Variants in TRRAP observed in about 807,000 individuals in gnomAD.
TRRAP encodes the protein transformation/transcription domain-associated protein.
Under a neutral mutation model 438.8 loss-of-function variants are expected in TRRAP, and 41 were observed. The observed-to-expected ratio is 0.09, with a 90% confidence interval of 0.07 to 0.12. TRRAP has a LOEUF of 0.12. TRRAP is among the 10% of genes least tolerant of loss of function. The probability of loss-of-function intolerance (pLI) is 1.00; values close to 1 mark genes in which losing one functional copy is unlikely to be tolerated. For missense variants in TRRAP, 3,122 were observed against 5,055.1 expected, an observed-to-expected ratio of 0.62 and a Z score of 11.60; for synonymous variants, 1,994 against 1,962.9, an observed-to-expected ratio of 1.02 and a Z score of -0.42.
chr7:98,906,541 C>G (rs1249638724), intron 13 of TRRAP, among the ~76,000 whole-genome samples: 1 of 151,938 alleles, frequency 6.6e-6, no homozygotes, highest in Admixed American at 6.6e-5. Context: ...AAGCAATTCT[C>G]CCTGCCTCAG....
At chr7:99,002,834 T>C (rs1793994498) in intron 67 of TRRAP, among the ~76,000 whole-genome samples, 1 of 152,210 alleles carries the variant, frequency 6.6e-6, no homozygotes, top group African/African-American at 2.4e-5. Flanking sequence ...AGCTGGGTGT[T>C]ATCACGCGTG....
chr7:98,902,605 T>G (rs571187273), intron 11 of TRRAP, among the ~76,000 whole-genome samples: 2 of 141,274 alleles, frequency 1.4e-5, no homozygotes, highest in East Asian at 4.2e-4. Flanking sequence ...GAACATTTGG[T>G]GTAAAAAGTC....
Position 99,012,221 on chromosome 7 carries a change from A to G in TRRAP, c.11488A>G (p.Thr3830Ala), listed in dbSNP as rs1399314646. The G allele has an allele frequency of 1.9e-6, 3 of 1,613,844 alleles. No homozygotes were observed. Among genetic ancestry groups the G allele is most frequent in the Admixed American group, 3.3e-5 (2 of 60,004 alleles). Reference sequence around the variant, plus strand: ...GGTGTCCCTGGTTCAGAAAGCCGTCACCGCCATCATGACCCGCCTGCACAA... The same window carrying G: ...GGTGTCCCTGGTTCAGAAAGCCGTCGCCGCCATCATGACCCGCCTGCACAA... ...QLVSLVQKAV[T>A]AIMTRLHNLA... is the part of the protein sequence containing the mutation. The change falls in exon 73 of 73, where the codon ACC becomes GCC. Residue 3830 changes from threonine to alanine, a missense_variant. Transcript: ENST00000456197. The surrounding 1 kb of genome is among the most constrained non-coding windows in gnomAD (Gnocchi z 5.9).
chr7:98,980,902 A>G (rs546504930), intron 58 of TRRAP, among the ~76,000 whole-genome samples: 1 of 152,178 alleles, frequency 6.6e-6, no homozygotes, highest in Admixed American at 6.5e-5. Context: ...AAAATAAACA[A>G]AAATTAGCCT....
At position 99,012,032 on chromosome 7, in the gene TRRAP, T is replaced by A. The variant is rs373405061; in HGVS notation, c.11338-39T>A. 22 of 1,599,496 alleles carry A rather than the reference T, an allele frequency of 1.4e-5. No homozygotes were observed. In the African/African-American group the frequency reaches 2.3e-4, roughly 17 times the overall value. On this transcript the variant is annotated intron_variant, in intron 72 of 72. Transcript: ENST00000456197. The surrounding 1 kb of genome is among the most constrained non-coding windows in gnomAD (Gnocchi z 5.9). Reference sequence around the variant, plus strand: ...GGAAGCTGCCCCTGTGGGCTGTTCTTGGTTAAACACAAGTCGTCTCGTTCT... The same window carrying A: ...GGAAGCTGCCCCTGTGGGCTGTTCTAGGTTAAACACAAGTCGTCTCGTTCT...
intron 27 of TRRAP, among the ~76,000 whole-genome samples, chr7:98,934,458 A>G (rs1467747080): frequency 6.6e-6 from 1 of 152,174 alleles, no homozygotes; most frequent in African/African-American, 2.4e-5. Context: ...GAAATGCATA[A>G]CTTCCCTTGG....
chr7:98,940,083 C>T (rs1554415234), intron 30 of TRRAP, among the ~76,000 whole-genome samples: 2 of 151,718 alleles, frequency 1.3e-5, no homozygotes, highest in African/African-American at 4.8e-5. Flanking sequence ...GGGTTTTCAC[C>T]GTGTTGGCCA....
In TRRAP at chr7:99,012,165, G is replaced by A. The variant is rs754860528; in HGVS notation, c.11432G>A (p.Gly3811Glu). 1 of 1,614,214 alleles carries A rather than the reference G, an allele frequency of 6.2e-7. No homozygotes were observed. Among genetic ancestry groups the A allele is most frequent in the Non-Finnish European group, 8.5e-7 (1 of 1,180,026 alleles). ...ACGTCCTCTCCTCTCTCGGCCGCCGGGCAGCCAGAGAACATGGACAGCCAG... is the reference window on the plus strand; with the variant it reads ...ACGTCCTCTCCTCTCTCGGCCGCCGAGCAGCCAGAGAACATGGACAGCCAG... The part of the protein sequence containing the change: ...EDTSSPLSAA[G>E]QPENMDSQQL... Residue 3811 changes from glycine to glutamate, a missense_variant, in exon 73 of 73, where the codon GGG becomes GAG. By Grantham distance (98) the Gly-to-Glu change is moderately conservative. This residue lies in a region of TRRAP where 192 missense variants were observed against 355.6 expected (regional missense o/e 0.54). Coordinates refer to ENST00000456197, the MANE Select transcript of TRRAP (RefSeq NM_001375524.1). This position sits in a 1 kb window ranked among gnomAD's most constrained non-coding sequence, Gnocchi z 5.9.
At chr7:98,992,577 GTGTGTGTGTGTT>G (rs907697687) in intron 65 of TRRAP, among the ~76,000 whole-genome samples, 12 of 151,476 alleles carry the variant, frequency 7.9e-5, no homozygotes, top group African/African-American at 2.7e-4. Flanking sequence ...GTGTGTGTGT[GTGTGTGTGTGTT>G]TAAGTTATGA....
intron 67 of TRRAP, chr7:98,999,268 T>A (rs186222476): frequency 9.3e-6 from 11 of 1,178,650 alleles, no homozygotes; most frequent in Middle Eastern, 1.9e-4. Flanking sequence ...CAGAAACAGA[T>A]GTCGTACAGG....
Position 98,931,572 on chromosome 7 carries a change from C to T in TRRAP, c.3759C>T (p.Asn1253=). The change falls in exon 26 of 73, where the codon AAC becomes AAT. Residue 1253 remains asparagine, a synonymous_variant. Coordinates refer to ENST00000456197, the MANE Select transcript of TRRAP (RefSeq NM_001375524.1). ...HDLVREVTSP[N]STVRKQAMHS... Reference sequence around the variant, plus strand: ...TGGTTCGAGAAGTCACCTCTCCAAACTCCACTGTGAGGAAGCAGGCCATGC... The same window carrying T: ...TGGTTCGAGAAGTCACCTCTCCAAATTCCACTGTGAGGAAGCAGGCCATGC... 1 of 1,614,242 alleles carries T rather than the reference C, an allele frequency of 6.2e-7. No individual in the cohort carries two copies. The highest frequency in any genetic ancestry group is 8.5e-7 in the Non-Finnish European group (1 of 1,180,042).
Position 99,011,600 on chromosome 7 carries a change from G to C in TRRAP, c.11337+65G>C, listed in dbSNP as rs1794429956. 1 of 1,546,808 alleles carries C rather than the reference G, an allele frequency of 6.5e-7. No homozygotes were observed. The highest frequency in any genetic ancestry group is 8.7e-7 in the Non-Finnish European group (1 of 1,146,162). The stretch of plus-strand genomic sequence containing the variant: ...GCCACTCAGATGCCCGCGCGTCACG[G>C]CCTTGCAGGAGCTGCTGATGTGCCT... On this transcript the variant is annotated intron_variant, in intron 72 of 72. Coordinates refer to ENST00000456197, the MANE Select transcript of TRRAP (RefSeq NM_001375524.1). The surrounding 1 kb of genome is among the most constrained non-coding windows in gnomAD (Gnocchi z 7.1).
chr7:98,953,696 G>A (rs988532459), intron 40 of TRRAP, among the ~76,000 whole-genome samples: 2 of 152,220 alleles, frequency 1.3e-5, no homozygotes, highest in East Asian at 3.9e-4. Context: ...TGCCTGGGAA[G>A]ATGCAAACAT....
rs1038654850 is a variant in TRRAP, at chr7:99,011,839, G to A, written c.11338-232G>A. Among the ~76,000 whole-genome samples, 1 of 152,216 alleles carries A rather than the reference G, an allele frequency of 6.6e-6. No individual in the cohort carries two copies. The highest frequency in any genetic ancestry group is 1.5e-5 in the Non-Finnish European group (1 of 68,040). On this transcript the variant is annotated intron_variant, in intron 72 of 72. Coordinates refer to ENST00000456197, the MANE Select transcript of TRRAP (RefSeq NM_001375524.1). This position sits in a 1 kb window ranked among gnomAD's most constrained non-coding sequence, Gnocchi z 7.1. ...GGCTGCCTTTGTCATCTAGGTCCGCGCTGCCCAACACTGAGGCCTTCTGGC... is the reference window on the plus strand; with the variant it reads ...GGCTGCCTTTGTCATCTAGGTCCGCACTGCCCAACACTGAGGCCTTCTGGC...
chr7:98,896,028 CT>C (rs536303555), intron 7 of TRRAP, among the ~76,000 whole-genome samples: 25 of 152,074 alleles, frequency 1.6e-4, no homozygotes, highest in African/African-American at 5.8e-4. Flanking sequence ...CACTTAAGTA[CT>C]TTTTTTGTAC....
At position 98,931,625 on chromosome 7, in the gene TRRAP, C is replaced by A. The variant is rs1790327379; in HGVS notation, c.3812C>A (p.Thr1271Asn). 6.2e-7 allele frequency: 1 copy of A among 1,614,240 alleles called. No individual in the cohort carries two copies. The highest frequency in any genetic ancestry group is 2.2e-5 in the East Asian group (1 of 44,882). Residue 1271 changes from threonine to asparagine, a missense_variant, in exon 26 of 73, where the codon ACT (threonine) becomes AAT (asparagine). Physicochemically the swap from Thr to Asn is moderately conservative, Grantham distance 65 (BLOSUM62 0). This residue lies in a region of TRRAP where 153 missense variants were observed against 223.0 expected (regional missense o/e 0.69). Coordinates refer to ENST00000456197, the MANE Select transcript of TRRAP (RefSeq NM_001375524.1). ...MHSLQVLAQV[T>N]GKSVTVIMEP... is the part of the protein sequence containing the mutation. ...TCGCTGCAGGTGTTGGCCCAGGTCA[C>A]TGGGAAGAGTGTCACGGTGATCATG... is the stretch of plus-strand genomic sequence containing the variant.
chr7:98,994,947 C>T lies in TRRAP; in HGVS notation c.10309+99C>T. The T allele has an allele frequency of 1.3e-6, 2 of 1,499,664 alleles. No individual in the cohort carries two copies. Among genetic ancestry groups the T allele is most frequent in the Non-Finnish European group, 1.8e-6 (2 of 1,106,944 alleles). 92.9% of individuals were successfully genotyped at this position (1,499,664 alleles called of 1,614,324 possible). A position where few individuals can be genotyped will look rare whatever the true frequency, so the allele number is the denominator to read the frequency against. ...CTGATTGGATCCTTGGTTTTCTGAT[C>T]ACTGCACGGGGCACACTGGTTACAC... is the stretch of plus-strand genomic sequence containing the variant. On this transcript the variant is annotated intron_variant, in intron 67 of 72. Coordinates refer to ENST00000456197, the MANE Select transcript of TRRAP (RefSeq NM_001375524.1). The surrounding 1 kb of genome is among the most constrained non-coding windows in gnomAD (Gnocchi z 4.8).
chr7:98,920,771 T>C (rs1319096175), intron 20 of TRRAP, among the ~76,000 whole-genome samples: 1 of 152,218 alleles, frequency 6.6e-6, no homozygotes, highest in Admixed American at 6.5e-5. Context: ...CTTAAAAACC[T>C]GAGAAGTTGC....
At chr7:98,969,360 A>C (rs1792303940) in intron 51 of TRRAP, among the ~76,000 whole-genome samples, 1 of 151,472 alleles carries the variant, frequency 6.6e-6, no homozygotes, top group South Asian at 2.1e-4. Context: ...ATCTTGCCTC[A>C]CTCTTGCCAC....
Sources: allele counts gnomAD v4.1 joint callset (sites outside exome capture counted in the v4.1 genomes callset), GRCh38; gene constraint gnomAD v4.1.1; regional missense constraint gnomAD v4.1.1; non-coding constraint Gnocchi (gnomAD v3.1); transcripts MANE v1.5; gene names NCBI Gene and HGNC (gene_info 2026-07-23, HGNC 2026-07-21).